Variants in GLG1 observed in about 807,000 individuals in gnomAD.
The protein encoded by GLG1 is golgi glycoprotein 1.
Under a neutral mutation model 160.5 loss-of-function variants are expected in GLG1, and 38 were observed. The observed-to-expected ratio is 0.24, with a 90% confidence interval of 0.18 to 0.31. GLG1 has a LOEUF of 0.31. GLG1 is among the 10% of genes least tolerant of loss of function. GLG1 has a pLI of 1.00. For synonymous variants in GLG1, 644 were observed against 543.4 expected, an observed-to-expected ratio of 1.19 and a Z score of -2.57; for missense variants, 1,373 against 1,505.2, an observed-to-expected ratio of 0.91 and a Z score of 1.45.
rs2143147402 is a variant in GLG1 at position 74,457,873 on chromosome 16, C to T, written c.3265+1G>A. 6.2e-7 allele frequency: 1 copy of T among 1,613,586 alleles called. No homozygotes were observed. The highest frequency in any genetic ancestry group is 8.5e-7 in the Non-Finnish European group (1 of 1,179,700). On this transcript the variant is annotated splice_donor_variant, in intron 24 of 25. Transcript: ENST00000422840. LOFTEE classifies it high-confidence loss of function. ...GATCAAGAGTGAACACAGAGACTTA[C>T]GACGCCCGCGGCCAGGGGTGATGGC...
At chr16:74,572,369 G>A (rs2018853579) in intron 1 of GLG1, among the ~76,000 whole-genome samples, 1 of 152,052 alleles carries the variant, frequency 6.6e-6, no homozygotes. Flanking sequence ...AATTTAGCTG[G>A]GCATGGTGAC....
At position 74,450,829 on chromosome 16, in the gene GLG1, C is replaced by G. The variant is rs1012799204; in HGVS notation, c.*2338G>C. On this transcript the variant is annotated 3_prime_UTR_variant, in exon 26 of 26. Coordinates refer to ENST00000422840, the MANE Select transcript of GLG1 (RefSeq NM_001145667.2). ...CGCCACTGCACTGCAGCCTGGGCAACAGAGAGATACTCTGTCTCAAAAAAA... is the reference window on the plus strand; with the variant it reads ...CGCCACTGCACTGCAGCCTGGGCAAGAGAGAGATACTCTGTCTCAAAAAAA... The G allele has an allele frequency of 6.8e-6, 1 of 146,274 alleles. No homozygotes were observed. The highest frequency in any genetic ancestry group is 2.5e-5 in the African/African-American group (1 of 39,776). The allele number at this position is 146,274 out of a possible 1,614,324, so 9.1% of individuals were successfully genotyped here.
intron 8 of GLG1, among the ~76,000 whole-genome samples, chr16:74,487,698 A>T (rs2015843112): frequency 6.6e-6 from 1 of 152,174 alleles, no homozygotes; most frequent in Non-Finnish European, 1.5e-5. Context: ...GGGAGTCTGC[A>T]AGTCTCTGCA....
chr16:74,518,788 A>G (rs923561516), intron 2 of GLG1, among the ~76,000 whole-genome samples: 1 of 152,208 alleles, frequency 6.6e-6, no homozygotes, highest in East Asian at 1.9e-4. Flanking sequence ...ACATTTTTGC[A>G]ATCTATCCAT....
chr16:74,534,597 A>C (rs2017635994), intron 1 of GLG1, among the ~76,000 whole-genome samples: 1 of 152,082 alleles, frequency 6.6e-6, no homozygotes, highest in East Asian at 1.9e-4. Flanking sequence ...CCACAGGACT[A>C]TATTAGCAAA....
At chr16:74,578,000 TTG>T (rs1195076724) in intron 1 of GLG1, among the ~76,000 whole-genome samples, 2 of 152,038 alleles carry the variant, frequency 1.3e-5, no homozygotes, top group African/African-American at 4.8e-5. Context: ...GAGAAAGACC[TTG>T]TCTCTCAAAA....
chr16:74,582,323 T>C (rs1597370157), intron 1 of GLG1, among the ~76,000 whole-genome samples: 2 of 151,942 alleles, frequency 1.3e-5, no homozygotes, highest in Admixed American at 6.6e-5. Flanking sequence ...TGCGCCACCA[T>C]GCCCAGCTAA....
At chr16:74,505,537 T>C (rs1213584570) in intron 3 of GLG1, among the ~76,000 whole-genome samples, 1 of 152,048 alleles carries the variant, frequency 6.6e-6, no homozygotes, top group Non-Finnish European at 1.5e-5. Flanking sequence ...CTCGCCAACA[T>C]GGCGAAACCC....
At chr16:74,528,378 T>G (rs1473103127) in intron 2 of GLG1, among the ~76,000 whole-genome samples, 2 of 152,178 alleles carry the variant, frequency 1.3e-5, no homozygotes, top group African/African-American at 4.8e-5. Flanking sequence ...ATTTTACATT[T>G]ATTGTTTCAT....
chr16:74,528,147 G>A (rs1445791519), intron 2 of GLG1, among the ~76,000 whole-genome samples: 2 of 151,956 alleles, frequency 1.3e-5, no homozygotes, highest in South Asian at 2.1e-4. Flanking sequence ...GTTTACAGGC[G>A]TGAGCCACAA....
chr16:74,524,312 C>T (rs777932778), intron 2 of GLG1, among the ~76,000 whole-genome samples: 15 of 152,108 alleles, frequency 9.9e-5, no homozygotes, highest in Non-Finnish European at 2.1e-4. Context: ...AGGACCTCTA[C>T]GATAATAAGT....
intron 2 of GLG1, among the ~76,000 whole-genome samples, chr16:74,531,422 A>C (rs1212029540): frequency 1.2e-4 from 18 of 152,164 alleles, no homozygotes; most frequent in Admixed American, 6.6e-4. Context: ...GGGTTCAAGC[A>C]ATTCTCCTGC....
At chr16:74,508,473 A>T (rs2016690876) in intron 3 of GLG1, among the ~76,000 whole-genome samples, 1 of 152,176 alleles carries the variant, frequency 6.6e-6, no homozygotes, top group African/African-American at 2.4e-5. Context: ...CTGTGGGTCA[A>T]TTGATCCAGC....
intron 1 of GLG1, among the ~76,000 whole-genome samples, chr16:74,567,877 A>C (rs904889466): frequency 6.6e-6 from 1 of 152,156 alleles, no homozygotes; most frequent in Non-Finnish European, 1.5e-5. Context: ...CATATGGTGC[A>C]CTTTCATTGT....
At chr16:74,485,528 G>A (rs1597253629) in intron 9 of GLG1, among the ~76,000 whole-genome samples, 1 of 152,214 alleles carries the variant, frequency 6.6e-6, no homozygotes, top group East Asian at 1.9e-4. Context: ...AAATTATTCA[G>A]TAACCTAATA....
intron 5 of GLG1, among the ~76,000 whole-genome samples, chr16:74,496,185 T>C (rs2016179777): frequency 1.3e-5 from 2 of 151,968 alleles, no homozygotes; most frequent in Non-Finnish European, 2.9e-5. Flanking sequence ...GAAGAATCGC[T>C]TGAACCCAGA....
chr16:74,595,048 C>T (rs1597382380), intron 1 of GLG1, among the ~76,000 whole-genome samples: 1 of 151,336 alleles, frequency 6.6e-6, no homozygotes, highest in South Asian at 2.1e-4. Context: ...ATTAGCTCGG[C>T]GTGGTGGCAG....
At chr16:74,605,708 A>G (rs1370957450) in intron 1 of GLG1, among the ~76,000 whole-genome samples, 1 of 152,190 alleles carries the variant, frequency 6.6e-6, no homozygotes, top group Non-Finnish European at 1.5e-5. Context: ...TGGTCTTGCT[A>G]TAGCTTGAAC....
At chr16:74,522,745 G>C (rs1035213979) in intron 2 of GLG1, among the ~76,000 whole-genome samples, 1 of 152,104 alleles carries the variant, frequency 6.6e-6, no homozygotes, top group African/African-American at 2.4e-5. Flanking sequence ...GTGCAGTGGC[G>C]TGAACATGGC....
Sources: gnomAD v4.1 joint callset for allele counts (sites outside exome capture counted in the v4.1 genomes callset) on GRCh38, gnomAD v4.1.1 for gene constraint, MANE v1.5 for transcripts, NCBI Gene and HGNC (gene_info 2026-07-23, HGNC 2026-07-21) for gene names.